Variants in BANK1 observed in about 807,000 individuals in gnomAD.
BANK1 encodes the protein B cell scaffold protein with ankyrin repeats 1.
A neutral mutation model predicts 94.5 loss-of-function variants in BANK1; 95 were observed. The observed-to-expected ratio is 1.00, with a 90% CI of 0.85 to 1.19. The LOEUF (loss-of-function observed/expected upper bound fraction) is 1.19. Among genes scored for constraint, BANK1 ranks in the 50% most tolerant of loss-of-function variants. The probability of loss-of-function intolerance (pLI) is 0.00; values close to 1 mark genes in which losing one functional copy is unlikely to be tolerated. For synonymous variants in BANK1, 334 were observed against 308.4 expected (o/e 1.08, Z -0.87); for missense variants, 987 against 932.2 (o/e 1.06, Z -0.77).
At chr4:101,869,965 T>C (rs148076178) in intron 4 of BANK1, among the ~76,000 whole-genome samples, 1 of 152,120 alleles carries the variant, frequency 6.6e-6, no homozygotes, top group Non-Finnish European at 1.5e-5. Flanking sequence ...TGGATGAATG[T>C]ATGATGTAAA....
intron 4 of BANK1, among the ~76,000 whole-genome samples, chr4:101,864,443 A>G (rs1025382999): frequency 6.6e-6 from 1 of 152,242 alleles, no homozygotes; most frequent in Non-Finnish European, 1.5e-5. Context: ...TTTACAAGTA[A>G]TATTTAGATG....
At chr4:101,980,154 A>C (rs1031125821) in intron 7 of BANK1, among the ~76,000 whole-genome samples, 4 of 151,786 alleles carry the variant, frequency 2.6e-5, no homozygotes, top group African/African-American at 9.7e-5. Context: ...TTGTGTTGCC[A>C]AGTTCATTAA....
intron 7 of BANK1, among the ~76,000 whole-genome samples, chr4:101,966,336 C>T (rs1283395901): frequency 1.3e-5 from 2 of 151,928 alleles, no homozygotes; most frequent in Non-Finnish European, 2.9e-5. Context: ...AGCCTCCTTT[C>T]AATGCCAGGG....
chr4:101,891,407 CA>C (rs1029595606), intron 5 of BANK1, among the ~76,000 whole-genome samples: 21 of 151,880 alleles, frequency 1.4e-4, no homozygotes, highest in Admixed American at 7.2e-4. Context: ...TCACTTTTTT[CA>C]AAATATTTTC....
chr4:101,852,470 C>CTATATATATATATATATATA (rs541955636), intron 2 of BANK1, among the ~76,000 whole-genome samples: 3 of 103,766 alleles, frequency 2.9e-5, no homozygotes, highest in Non-Finnish European at 5.5e-5. Context: ...TATTTTTCGG[C>CTATATATATATATATATATA]TATATATATA....
At chr4:101,825,460 G>T (rs1001700465) in intron 1 of BANK1, among the ~76,000 whole-genome samples, 3 of 152,018 alleles carry the variant, frequency 2.0e-5, no homozygotes, top group African/African-American at 7.2e-5. Flanking sequence ...CTTATTAAAA[G>T]AGTTTTTATT....
intron 11 of BANK1, 56 bp downstream of exon 11, chr4:102,043,963 C>T (rs1332467572): frequency 9.4e-7 from 1 of 1,066,964 alleles, no homozygotes; most frequent in East Asian, 2.4e-5. Context: ...ATCAAGAAAT[C>T]TTATGAATAC....
At chr4:101,958,464 C>CTTTTTTTTTTTTTTTTTTTTTTTTTTT (rs35066662) in intron 7 of BANK1, among the ~76,000 whole-genome samples, 7 of 110,732 alleles carry the variant, frequency 6.3e-5, no homozygotes, top group Non-Finnish European at 1.1e-4. Flanking sequence ...GCCCCCCATG[C>CTTTTTTTTTTTTTTTTTTTTTTTTTTT]TTTTTTTTTT....
At chr4:101,960,548 T>G (rs1287776911) in intron 7 of BANK1, among the ~76,000 whole-genome samples, 3 of 151,952 alleles carry the variant, frequency 2.0e-5, no homozygotes, top group African/African-American at 7.3e-5. Context: ...GGCTACAAGC[T>G]GAGATAACAT....
intron 4 of BANK1, among the ~76,000 whole-genome samples, chr4:101,864,609 T>G (rs1728000319): frequency 6.6e-6 from 1 of 152,126 alleles, no homozygotes; most frequent in African/African-American, 2.4e-5. Context: ...AGGGTCACAG[T>G]TGTCACTCCT....
intron 11 of BANK1, among the ~76,000 whole-genome samples, chr4:102,047,491 C>T (rs1339920865): frequency 6.6e-6 from 1 of 151,970 alleles, no homozygotes; most frequent in Non-Finnish European, 1.5e-5. Flanking sequence ...GAAATAAATG[C>T]AAAGCTACAT....
intron 10 of BANK1, among the ~76,000 whole-genome samples, chr4:102,033,691 A>G (rs1011276617): frequency 2.0e-5 from 3 of 152,228 alleles, no homozygotes; most frequent in Admixed American, 6.5e-5. Context: ...TTCTAATTCA[A>G]TGATAACAAT....
chr4:102,045,771 C>T (rs1727857133), intron 11 of BANK1, among the ~76,000 whole-genome samples: 1 of 151,138 alleles, frequency 6.6e-6, no homozygotes, highest in South Asian at 2.1e-4. Flanking sequence ...AACTACAAAC[C>T]ACTGCTCAAG....
intron 4 of BANK1, among the ~76,000 whole-genome samples, chr4:101,867,098 T>G (rs1171029775): frequency 2.5e-5 from 2 of 80,262 alleles, no homozygotes; most frequent in East Asian, 3.2e-4. Flanking sequence ...TGCACCAGCA[T>G]GGCACATGTA....
intron 1 of BANK1, among the ~76,000 whole-genome samples, chr4:101,819,706 C>T (rs1409024275): frequency 3.3e-5 from 5 of 152,152 alleles, no homozygotes; most frequent in African/African-American, 1.2e-4. Flanking sequence ...AAGTTCAGTT[C>T]AAAGGTCTAA....
Position 102,072,328 on chromosome 4 carries a change from T to A in BANK1, c.2243-17T>A. 6.5e-7 allele frequency: 1 copy of A among 1,545,224 alleles called. No homozygotes were observed. The highest frequency in any genetic ancestry group is 1.7e-5 in the Admixed American group (1 of 58,980). On this transcript the variant is annotated splice_polypyrimidine_tract_variant and intron_variant, in intron 14 of 16. Coordinates refer to ENST00000322953, the MANE Select transcript of BANK1 (RefSeq NM_017935.5). Reference sequence around the variant, plus strand: ...TGTGAATGAATAAAGAGGTAATAACTGAGTTTGTATTTCTAGGTAAGGAAA... The same window carrying A: ...TGTGAATGAATAAAGAGGTAATAACAGAGTTTGTATTTCTAGGTAAGGAAA...
At chr4:101,800,789 C>T (rs1381411465) in intron 1 of BANK1, among the ~76,000 whole-genome samples, 4 of 152,174 alleles carry the variant, frequency 2.6e-5, no homozygotes, top group Non-Finnish European at 5.9e-5. Context: ...TGGTTTCTCG[C>T]TCTTGTCACC....
intron 2 of BANK1, among the ~76,000 whole-genome samples, chr4:101,840,445 G>A (rs1413374330): frequency 6.6e-6 from 1 of 152,172 alleles, no homozygotes; most frequent in East Asian, 1.9e-4. Context: ...CTGAAGCACT[G>A]TGACTTGTTT....
intron 11 of BANK1, 61 bp downstream of exon 11, chr4:102,043,968 G>A (rs904890330): frequency 4.9e-6 from 5 of 1,026,154 alleles, no homozygotes; most frequent in African/African-American, 1.6e-5. Flanking sequence ...GAAATCTTAT[G>A]AATACAGAGT....
Sources: gnomAD v4.1 joint callset for allele counts (sites outside exome capture counted in the v4.1 genomes callset) on GRCh38, gnomAD v4.1.1 for gene constraint, MANE v1.5 for transcripts, NCBI Gene and HGNC (gene_info 2026-07-23, HGNC 2026-07-21) for gene names.